Variants in MST1R observed in about 807,000 individuals in gnomAD.
MST1R encodes macrophage stimulating 1 receptor, also known as macrophage-stimulating protein receptor.
In MST1R, 99 loss-of-function variants were observed where a neutral mutation model predicts 117.8. The observed-to-expected ratio is 0.84, with a 90% CI of 0.71 to 0.99. The LOEUF is 0.99. Ranked by LOEUF, MST1R falls within the 50% of genes least tolerant of loss-of-function variation. The probability of loss-of-function intolerance (pLI) is 0.00; values close to 1 mark genes in which losing one functional copy is unlikely to be tolerated. For synonymous variants in MST1R, 734 were observed against 765.3 expected (o/e 0.96, Z 0.68); for missense variants, 1,683 against 1,840.2 (o/e 0.91, Z 1.56).
chr3:49,903,503 G>A lies in MST1R; in HGVS notation c.107C>T (p.Ala36Val), dbSNP rs1386221559. Residue 36 changes from alanine to valine, a missense_variant, in exon 1 of 20, where the codon GCC becomes GTC. By Grantham distance (64) the Ala-to-Val change is moderately conservative. Transcript: ENST00000296474. ...GTACTTCACGTCAAAGTCGCGAGAG[G>A]CCGCGTAGGGGGTGCGCGGGCACTG... ...DWQCPRTPYA[A>V]SRDFDVKYVV... 5 of 1,610,370 alleles carry A rather than the reference G, an allele frequency of 3.1e-6. No homozygotes were observed. Among genetic ancestry groups the A allele is most frequent in the Middle Eastern group, 1.6e-4 (1 of 6,062 alleles).
intron 5 of MST1R, 109 bp downstream of exon 5, chr3:49,897,942 G>A (rs1180348219): frequency 6.7e-7 from 1 of 1,503,728 alleles, no homozygotes; most frequent in Non-Finnish European, 9.2e-7. Flanking sequence ...AACCACTGCA[G>A]CTTCCCCCAT....
At position 49,889,992 on chromosome 3, in the gene MST1R, A is replaced by C. The variant is rs2082266545; in HGVS notation, c.3879T>G (p.Pro1293=). The part of the protein sequence containing the change: ...RGAPPYRHID[P]FDLTHFLAQG... Reference sequence around the variant, plus strand: ...GGGCCAGGAAGTGGGTAAGGTCAAAAGGGTCAATGTGGCGGTATGGTGGGG... The same window carrying C: ...GGGCCAGGAAGTGGGTAAGGTCAAACGGGTCAATGTGGCGGTATGGTGGGG... The change falls in exon 19 of 20, where the codon CCT becomes CCG. Residue 1293 remains proline (P), a synonymous_variant. Coordinates refer to ENST00000296474, the MANE Select transcript of MST1R (RefSeq NM_002447.4). The C allele has an allele frequency of 6.2e-7, 1 of 1,613,986 alleles. No homozygotes were observed.
In MST1R at chr3:49,902,369, T is replaced by G; in HGVS notation, c.1230+11A>C. 1 of 1,610,820 alleles carries G rather than the reference T, an allele frequency of 6.2e-7. No homozygotes were observed. Among genetic ancestry groups the G allele is most frequent in the Non-Finnish European group, 8.5e-7 (1 of 1,178,452 alleles). On this transcript the variant is annotated intron_variant, in intron 1 of 19. Transcript: ENST00000296474. ...GCAGCTCACAAGTAAGGGCCCCTTC[T>G]TTCAGCTTACCGGGTTGGGGCAAAA...
intron 14 of MST1R, among the ~76,000 whole-genome samples, chr3:49,894,807 A>G (rs2082414532): frequency 6.6e-6 from 1 of 150,914 alleles, no homozygotes; most frequent in East Asian, 1.9e-4. Context: ...CCTTTAGCCC[A>G]TGTCATTTTT....
In MST1R at chr3:49,890,661, G is replaced by C. The variant is rs369427401; in HGVS notation, c.3645-11C>G. The C allele has an allele frequency of 1.9e-4, 305 of 1,605,436 alleles. 1 individual carries two copies. The highest frequency in any genetic ancestry group is 2.3e-4 in the Non-Finnish European group (271 of 1,174,302). On this transcript the variant is annotated splice_polypyrimidine_tract_variant and intron_variant, in intron 17 of 19. Transcript: ENST00000296474. ...AATGACTCGTCCAGCCTTAGGGGTA[G>C]GGAGAGGATCACACTTAGGACTGGC... is the stretch of plus-strand genomic sequence containing the variant.
Position 49,890,623 on chromosome 3 carries a change from C to T in MST1R, c.3672G>A (p.Val1224=). 6.2e-7 allele frequency: 1 copy of T among 1,613,526 alleles called. No individual in the cohort carries two copies. Among genetic ancestry groups the T allele is most frequent in the Non-Finnish European group, 8.5e-7 (1 of 1,179,564 alleles). The stretch of plus-strand genomic sequence containing the variant: ...TGTCGCGGGCCAAACCAAAGTCAGC[C>T]ACCTTGACTGTGAATGACTCGTCCA... ...CMLDESFTVK[V]ADFGLARDIL... The change falls in exon 18 of 20, where the codon GTG becomes GTA. Residue 1224 remains valine, a synonymous_variant. Coordinates refer to ENST00000296474, the MANE Select transcript of MST1R (RefSeq NM_002447.4).
chr3:49,896,052 C>T lies in MST1R; in HGVS notation c.2705G>A (p.Gly902Asp), dbSNP rs752950485. 2 of 1,610,470 alleles carry T rather than the reference C, an allele frequency of 1.2e-6. No individual in the cohort carries two copies. Among genetic ancestry groups the T allele is most frequent in the South Asian group, 2.2e-5 (2 of 90,416 alleles). ...DCVGINVTVG[G>D]ESCQHEFRGD... is the part of the protein sequence containing the mutation. The stretch of plus-strand genomic sequence containing the variant: ...CCGGAACTCGTGCTGGCAGCTCTCA[C>T]CACCCACGGTCACGTTGATACCCAC... The change falls in exon 11 of 20, where the codon GGT (glycine) becomes GAT (aspartate). Residue 902 changes from glycine to aspartate, a missense_variant. Transcript: ENST00000296474.
rs1368719799 is a variant in MST1R, at chr3:49,895,321, G to A, written c.3117C>T (p.Ser1039=). 3.7e-6 allele frequency: 6 copies of A among 1,614,118 alleles called. No individual in the cohort carries two copies. The highest frequency in any genetic ancestry group is 5.1e-6 in the Non-Finnish European group (6 of 1,180,058). Residue 1039 remains serine (S), a synonymous_variant, in exon 14 of 20, where the codon TCC becomes TCT. Coordinates refer to ENST00000296474, the MANE Select transcript of MST1R (RefSeq NM_002447.4). ...AGGATTCATCTTCACTATCGGAGAAGGATGCTCCATGGACACAAGTGGTGG... is the reference window on the plus strand; with the variant it reads ...AGGATTCATCTTCACTATCGGAGAAAGATGCTCCATGGACACAAGTGGTGG... ...LDSTTCVHGA[S]FSDSEDESCV... is the part of the protein sequence containing the mutation.
In MST1R at chr3:49,898,087, G is replaced by A. The variant is rs2082543382; in HGVS notation, c.1844C>T (p.Pro615Leu). The A allele has an allele frequency of 1.9e-6, 3 of 1,613,964 alleles. No individual in the cohort carries two copies. Among genetic ancestry groups the A allele is most frequent in the African/African-American group, 1.3e-5 (1 of 74,912 alleles). ...GTHQVTVGQSPCRPLPKDSSK... is the reference protein window; with the variant it reads ...GTHQVTVGQSLCRPLPKDSSK... ...GCTGTCCTTGGGCAGTGGCCGGCAG[G>A]GACTTTGGCCCACAGTGACCTGATG... The change falls in exon 5 of 20, where the codon CCC becomes CTC. Residue 615 changes from proline to leucine, a missense_variant. By Grantham distance (98) the Pro-to-Leu change is moderately conservative (BLOSUM62 -3). Coordinates refer to ENST00000296474, the MANE Select transcript of MST1R (RefSeq NM_002447.4).
intron 1 of MST1R, among the ~76,000 whole-genome samples, chr3:49,901,474 T>G (rs1348977549): frequency 6.6e-6 from 1 of 151,894 alleles, no homozygotes; most frequent in African/African-American, 2.4e-5. Flanking sequence ...CTGCCTGGGG[T>G]AGGGCTCCAA....
rs753291675 is a variant in MST1R at position 49,898,183 on chromosome 3, C to T, written c.1748G>A (p.Gly583Asp). 1.2e-6 allele frequency: 2 copies of T among 1,613,864 alleles called. No individual in the cohort carries two copies. Among genetic ancestry groups the T allele is most frequent in the East Asian group, 2.2e-5 (1 of 44,874 alleles). ...GCCACACAGGGTCAGCCTTGTACTG[C>T]CCCTTAGAGGTCCACTGTGGGGGTG... ...EFHPHSGPLR[G>D]STRLTLCGSN... Residue 583 changes from glycine to aspartate, a missense_variant, in exon 5 of 20, where the codon GGC becomes GAC. Coordinates refer to ENST00000296474, the MANE Select transcript of MST1R (RefSeq NM_002447.4).
At chr3:49,901,259 G>A (rs1203855247) in intron 1 of MST1R, among the ~76,000 whole-genome samples, 1 of 152,238 alleles carries the variant, frequency 6.6e-6, no homozygotes, top group Non-Finnish European at 1.5e-5. Context: ...CCATCTCCGA[G>A]GCATCAATAG....
rs1316467286 is a variant in MST1R, at chr3:49,901,749, T to A, written c.1230+631A>T. ...GCCCAGGAGGCTCCCTGGAACGTGG[T>A]GGCTGGCAGAAGGATGGGGGTGGGT... On this transcript the variant is annotated intron_variant, in intron 1 of 19. Coordinates refer to ENST00000296474, the MANE Select transcript of MST1R (RefSeq NM_002447.4). 6.4e-5 allele frequency among the ~76,000 whole-genome samples: 4 copies of A among 62,238 alleles called. No homozygotes were observed. The Admixed American group carries it at 7.4e-4, about 12-fold the overall frequency. 40.8% of individuals were successfully genotyped at this position (62,238 alleles called of 152,430 possible).
rs761718263 is a variant in MST1R, at chr3:49,903,148, G to C, written c.462C>G (p.Ala154=). Residue 154 remains alanine, a synonymous_variant, in exon 1 of 20, where the codon GCC becomes GCG. Coordinates refer to ENST00000296474, the MANE Select transcript of MST1R (RefSeq NM_002447.4). ...GGCAGGCTGGCGCTGCCAGATGCAC[G>C]GCTGTCCCTTGGGGCTCTAGGTCAT... ...FLHDLEPQGT[A]VHLAAPACLF... is the part of the protein sequence containing the mutation. 1.2e-6 allele frequency: 2 copies of C among 1,604,162 alleles called. No individual in the cohort carries two copies. The highest frequency in any genetic ancestry group is 2.2e-5 in the South Asian group (2 of 91,082).
Position 49,896,880 on chromosome 3 carries a change from C to A in MST1R, c.2194G>T (p.Gly732Trp), listed in dbSNP as rs570208396. 1.6e-4 allele frequency: 248 copies of A among 1,516,398 alleles called. 2 individuals are homozygous for A. The South Asian group carries it at 2.9e-3, about 18-fold the overall frequency. 93.9% of individuals were successfully genotyped at this position (1,516,398 alleles called of 1,614,324 possible). A position where few individuals can be genotyped will look rare whatever the true frequency, so the allele number is the denominator to read the frequency against. ...TECLLARVSEGQLLCATPPGA... is the reference protein window; with the variant it reads ...TECLLARVSEWQLLCATPPGA... Reference sequence around the variant, plus strand: ...GGGGGTGTGGCACATAAAAGCTGCCCCTCACTGACCCTACAGGAACAAGAG... The same window carrying A: ...GGGGGTGTGGCACATAAAAGCTGCCACTCACTGACCCTACAGGAACAAGAG... The change falls in exon 8 of 20, where the codon GGG (glycine) becomes TGG (tryptophan). Residue 732 changes from glycine to tryptophan, a missense_variant. Coordinates refer to ENST00000296474, the MANE Select transcript of MST1R (RefSeq NM_002447.4).
intron 2 of MST1R, 34 bp from the exon 3 acceptor site, chr3:49,899,029 G>A (rs2108475307): frequency 1.2e-6 from 2 of 1,614,172 alleles, no homozygotes; most frequent in Non-Finnish European, 1.7e-6. Context: ...AAATGGGGAT[G>A]GAGACAAGGA....
chr3:49,896,242 C>T lies in MST1R; in HGVS notation c.2602G>A (p.Ala868Thr), dbSNP rs1300923539. 6.2e-7 allele frequency: 1 copy of T among 1,614,028 alleles called. No homozygotes were observed. Among genetic ancestry groups the T allele is most frequent in the African/African-American group, 1.3e-5 (1 of 74,920 alleles). ...RFLPPPHPPSANLVPLKPEEH... is the reference protein window; with the variant it reads ...RFLPPPHPPSTNLVPLKPEEH... ...TCAGGCTTCAGTGGAACTAGGTTGG[C>T]ACTGGGTGGATGGGGTGGGGGTAGG... The change falls in exon 10 of 20, where the codon GCC becomes ACC. Residue 868 changes from alanine (A) to threonine (T), a missense_variant. Ala to Thr is a moderately conservative substitution (Grantham distance 58, BLOSUM62 0). Transcript: ENST00000296474.
At chr3:49,897,007 T>C in intron 7 of MST1R, 117 bp from the exon 8 acceptor site, 1 of 1,283,936 alleles carries the variant, frequency 7.8e-7, no homozygotes, top group Non-Finnish European at 1.0e-6. Context: ...CCTGCCCCAC[T>C]CCATGGTCTG....
In MST1R at chr3:49,895,221, C is replaced by T. The variant is rs1333151492; in HGVS notation, c.3217G>A (p.Val1073Met). 3.7e-6 allele frequency: 6 copies of T among 1,614,222 alleles called. No individual in the cohort carries two copies. Among genetic ancestry groups the T allele is most frequent in the East Asian group, 4.5e-5 (2 of 44,886 alleles). ...DSALLAEVKD[V>M]LIPHERVVTH... ...ACCACCCGCTCATGGGGAATCAGCACATCCTTGACCTCAGCCAAGAGCGCA... is the reference window on the plus strand; with the variant it reads ...ACCACCCGCTCATGGGGAATCAGCATATCCTTGACCTCAGCCAAGAGCGCA... The change falls in exon 14 of 20, where the codon GTG becomes ATG. Residue 1073 changes from valine to methionine, a missense_variant. Coordinates refer to ENST00000296474, the MANE Select transcript of MST1R (RefSeq NM_002447.4).
Sources: gnomAD v4.1 joint callset for allele counts (sites outside exome capture counted in the v4.1 genomes callset) on GRCh38, gnomAD v4.1.1 for gene constraint, MANE v1.5 for transcripts, NCBI Gene and HGNC (gene_info 2026-07-23, HGNC 2026-07-21) for gene names.